ELFN1: variants seen among roughly 807,000 people sequenced by gnomAD.
ELFN1 encodes protein ELFN1.
Under a neutral mutation model 7.6 loss-of-function variants are expected in ELFN1, and 6 were observed. That is an observed-to-expected ratio of 0.79 (90% CI 0.43 to 1.56). The LOEUF (loss-of-function observed/expected upper bound fraction) is 1.56, where lower values mean the gene tolerates loss of function less well. Ranked by LOEUF, ELFN1 falls within the 40% of genes most tolerant of loss-of-function variation. The pLI is 0.01. For synonymous variants in ELFN1, 657 were observed against 588.1 expected (o/e 1.12, Z -1.70); for missense variants, 1,169 against 1,232.2 (o/e 0.95, Z 0.77).
In ELFN1 at chr7:1,740,557, C is replaced by T. The variant is rs1325752937; in HGVS notation, c.-293-3747C>T. On this transcript the variant is annotated intron_variant, in intron 3 of 3. Coordinates refer to ENST00000424383, the MANE Select transcript of ELFN1 (RefSeq NM_001128636.4). The surrounding 1 kb of genome is among the most constrained non-coding windows in gnomAD (Gnocchi z 5.0). Reference sequence around the variant, plus strand: ...GAGTGACTTGAGTGAGCGAGCCCAGCTGGAAAGGGCTTTGGGGGGGCCTGT... The same window carrying T: ...GAGTGACTTGAGTGAGCGAGCCCAGTTGGAAAGGGCTTTGGGGGGGCCTGT... Among the ~76,000 whole-genome samples, 1 of 152,198 alleles carries T rather than the reference C, an allele frequency of 6.6e-6. No individual in the cohort carries two copies. The highest frequency in any genetic ancestry group is 2.4e-5 in the African/African-American group (1 of 41,438).
At position 1,673,095 on chromosome 7, in the gene ELFN1, G is replaced by A. The variant is rs199849702; in HGVS notation, c.-549+2741G>A. Among the ~76,000 whole-genome samples the A allele has an allele frequency of 1.6e-5, 2 of 125,062 alleles. No homozygotes were observed. Among genetic ancestry groups the A allele is most frequent in the Non-Finnish European group, 3.4e-5 (2 of 59,184 alleles). The allele number at this position is 125,062 out of a possible 152,430, so 82.0% of individuals were successfully genotyped here. On this transcript the variant is annotated intron_variant, in intron 1 of 3. Coordinates refer to ENST00000424383, the MANE Select transcript of ELFN1 (RefSeq NM_001128636.4). This position sits in a 1 kb window ranked among gnomAD's most constrained non-coding sequence, Gnocchi z 4.7. ...TGTCATCTCTCCAGCGCCCCCCCCC[G>A]CTCTTTCCTTTTTGTTTTTGTTGTG...
Position 1,746,632 on chromosome 7 carries a change from C to T in ELFN1, c.2036C>T (p.Ala679Val), listed in dbSNP as rs937881688. ...YIEKGSPAAD[A>V]ILTVTPAAAV... ...GAGAAGGGCTCCCCCGCGGCCGACG[C>T]CATCCTCACTGTGACACCCGCGGCC... Residue 679 changes from alanine (A) to valine (V), a missense_variant, in exon 4 of 4, where the codon GCC becomes GTC. Ala to Val is a moderately conservative substitution (Grantham distance 64, BLOSUM62 0). Around this residue, in one of 2 missense-constraint regions of ELFN1, gnomAD observed 914 missense variants for 872.6 expected, o/e 1.05. Coordinates refer to ENST00000424383, the MANE Select transcript of ELFN1 (RefSeq NM_001128636.4). 1.5e-6 allele frequency: 2 copies of T among 1,354,680 alleles called. No homozygotes were observed. The highest frequency in any genetic ancestry group is 2.1e-4 in the Middle Eastern group (1 of 4,836). The allele number at this position is 1,354,680 out of a possible 1,614,324, so 83.9% of individuals were successfully genotyped here. A position where few individuals can be genotyped will look rare whatever the true frequency, so the allele number is the denominator to read the frequency against.
chr7:1,740,271 C>T lies in ELFN1; in HGVS notation c.-293-4033C>T, dbSNP rs570614597. The stretch of plus-strand genomic sequence containing the variant: ...TGGGGAGCCGCCCTCCTGAGGGATG[C>T]CTATTGCCCTCCCTGGGGCCTTGTG... On this transcript the variant is annotated intron_variant, in intron 3 of 3. Transcript: ENST00000424383. The surrounding 1 kb of genome is among the most constrained non-coding windows in gnomAD (Gnocchi z 5.0). 1.3e-5 allele frequency among the ~76,000 whole-genome samples: 2 copies of T among 152,174 alleles called. No individual in the cohort carries two copies. The highest frequency in any genetic ancestry group is 2.9e-5 in the Non-Finnish European group (2 of 68,036).
intron 3 of ELFN1, among the ~76,000 whole-genome samples, chr7:1,737,107 ACC>A (rs1383778047): frequency 6.7e-6 from 1 of 148,538 alleles, no homozygotes; most frequent in African/African-American, 2.5e-5. Context: ...GCTCGAACAC[ACC>A]CCCTCTCCCT....
chr7:1,688,755 C>G (rs1473473190), intron 2 of ELFN1, among the ~76,000 whole-genome samples: 1 of 152,136 alleles, frequency 6.6e-6, no homozygotes, highest in East Asian at 1.9e-4. Flanking sequence ...AGTGTCACAA[C>G]CAGGATATTG....
intron 2 of ELFN1, among the ~76,000 whole-genome samples, chr7:1,699,154 A>C (rs1779375037): frequency 2.0e-5 from 3 of 152,190 alleles, no homozygotes; most frequent in South Asian, 4.1e-4. Flanking sequence ...ATTCCCATGT[A>C]AGGCTGTACC....
chr7:1,736,472 T>C (rs1780444557), intron 3 of ELFN1, among the ~76,000 whole-genome samples: 1 of 152,200 alleles, frequency 6.6e-6, no homozygotes, highest in South Asian at 2.1e-4. Context: ...TTATGCAAAT[T>C]CAGTCGTAAG....
At position 1,673,303 on chromosome 7, in the gene ELFN1, A is replaced by G. The variant is rs10281680; in HGVS notation, c.-549+2949A>G. Among the ~76,000 whole-genome samples, 3,101 of 152,068 alleles carry G rather than the reference A, an allele frequency of 0.02. 102 individuals carry two copies. Among genetic ancestry groups the G allele is most frequent in the African/African-American group, 0.072 (2,985 of 41,456 alleles). On this transcript the variant is annotated intron_variant, in intron 1 of 3. Transcript: ENST00000424383. This position sits in a 1 kb window ranked among gnomAD's most constrained non-coding sequence, Gnocchi z 4.7. ...CCGGAGAGGGTGGTGGAGGGGTCCT[A>G]TGTCTGGCGTCTGTGTCCTGTTGTG...
chr7:1,731,685 T>C (rs1780327742), intron 3 of ELFN1, among the ~76,000 whole-genome samples: 1 of 152,226 alleles, frequency 6.6e-6, no homozygotes, highest in South Asian at 2.1e-4. Flanking sequence ...GGAGTCTCGC[T>C]CTGTCGCCCA....
At chr7:1,704,045 A>G (rs545008105) in intron 2 of ELFN1, among the ~76,000 whole-genome samples, 26 of 152,322 alleles carry the variant, frequency 1.7e-4, no homozygotes, top group African/African-American at 5.8e-4. Flanking sequence ...AAACAGGGAT[A>G]ATAAAGCTGG....
chr7:1,746,627 C>T lies in ELFN1; in HGVS notation c.2031C>T (p.Ala677=), dbSNP rs905013918. 26 of 1,349,878 alleles carry T rather than the reference C, an allele frequency of 1.9e-5. No individual in the cohort carries two copies. The highest frequency in any genetic ancestry group is 1.0e-4 in the South Asian group (6 of 58,592). 83.6% of individuals were successfully genotyped at this position (1,349,878 alleles called of 1,614,324 possible). Reference sequence around the variant, plus strand: ...ACATCGAGAAGGGCTCCCCCGCGGCCGACGCCATCCTCACTGTGACACCCG... The same window carrying T: ...ACATCGAGAAGGGCTCCCCCGCGGCTGACGCCATCCTCACTGTGACACCCG... The part of the protein sequence containing the change: ...AKYIEKGSPA[A]DAILTVTPAA... Residue 677 remains alanine, a synonymous_variant, in exon 4 of 4, where the codon GCC becomes GCT. Transcript: ENST00000424383.
intron 3 of ELFN1, among the ~76,000 whole-genome samples, chr7:1,743,815 C>T (rs866796500): frequency 6.6e-6 from 1 of 152,192 alleles, no homozygotes; most frequent in Non-Finnish European, 1.5e-5. Flanking sequence ...TGACAGGCAC[C>T]GTGCCCAGTG....
chr7:1,671,938 C>T (rs759134595), intron 1 of ELFN1, among the ~76,000 whole-genome samples: 2 of 152,186 alleles, frequency 1.3e-5, no homozygotes, highest in African/African-American at 2.4e-5. Context: ...CCTGGGCATA[C>T]GGTGGTCAGG....
intron 2 of ELFN1, among the ~76,000 whole-genome samples, chr7:1,691,633 C>T (rs904038100): frequency 6.6e-6 from 1 of 152,214 alleles, no homozygotes; most frequent in Non-Finnish European, 1.5e-5. Flanking sequence ...CAGGCCTGAC[C>T]CACTGCCAGC....
chr7:1,743,135 C>T (rs962063761), intron 3 of ELFN1, among the ~76,000 whole-genome samples: 1 of 152,144 alleles, frequency 6.6e-6, no homozygotes, highest in African/African-American at 2.4e-5. Flanking sequence ...GCCTCGCTCC[C>T]CGGACGTACC....
intron 3 of ELFN1, among the ~76,000 whole-genome samples, chr7:1,742,957 G>A (rs771644013): frequency 5.3e-5 from 8 of 152,214 alleles, no homozygotes; most frequent in African/African-American, 7.2e-5. Context: ...GCCACGGCTC[G>A]GTGACAGAGG....
At chr7:1,712,764 G>T (rs539043899) in intron 3 of ELFN1, among the ~76,000 whole-genome samples, 1 of 152,322 alleles carries the variant, frequency 6.6e-6, no homozygotes, top group South Asian at 2.1e-4. Flanking sequence ...GACAAGCTCT[G>T]CCCTGCTGGG....
intron 3 of ELFN1, among the ~76,000 whole-genome samples, chr7:1,743,672 G>A (rs1009601012): frequency 6.6e-6 from 1 of 152,180 alleles, no homozygotes; most frequent in African/African-American, 2.4e-5. Flanking sequence ...CTCCCAGAGG[G>A]CTGGAGAGGA....
chr7:1,682,375 G>A (rs1778988871), intron 1 of ELFN1, among the ~76,000 whole-genome samples: 1 of 152,126 alleles, frequency 6.6e-6, no homozygotes, highest in African/African-American at 2.4e-5. Context: ...AATCATAAAT[G>A]GAAAAGTTTA....
Sources: allele counts gnomAD v4.1 joint callset (sites outside exome capture counted in the v4.1 genomes callset), GRCh38; gene constraint gnomAD v4.1.1; regional missense constraint gnomAD v4.1.1; non-coding constraint Gnocchi (gnomAD v3.1); transcripts MANE v1.5; gene names NCBI Gene and HGNC (gene_info 2026-07-23, HGNC 2026-07-21).